The following HMGB1 variants were observed in gnomAD, a reference collection of about 807,000 sequenced individuals.
HMGB1 encodes the protein high mobility group protein B1.
For missense variants in HMGB1, 79 were observed against 253.5 expected, an observed-to-expected ratio of 0.31 and a Z score of 4.67; for synonymous variants, 81 against 84.0, an observed-to-expected ratio of 0.96 and a Z score of 0.19.
At chr13:30,603,621 A>G (rs1482367614) in intron 1 of HMGB1, among the ~76,000 whole-genome samples, 5 of 152,306 alleles carry the variant, frequency 3.3e-5, no homozygotes, top group African/African-American at 7.2e-5. Flanking sequence ...CTCCCTAAGG[A>G]TATCAAAATC....
At chr13:30,536,634 G>C (rs1394353928) in intron 1 of HMGB1, among the ~76,000 whole-genome samples, 1 of 152,212 alleles carries the variant, frequency 6.6e-6, no homozygotes. Flanking sequence ...ACAGGCGTGA[G>C]CCACCATGCC....
intron 1 of HMGB1, among the ~76,000 whole-genome samples, chr13:30,471,773 A>C (rs1886949386): frequency 7.0e-6 from 1 of 142,238 alleles, no homozygotes; most frequent in African/African-American, 2.7e-5. Flanking sequence ...GGTTCAAGCG[A>C]TTCTCCTGCC....
intron 1 of HMGB1, among the ~76,000 whole-genome samples, chr13:30,588,086 C>G (rs929012142): frequency 1.2e-4 from 19 of 152,124 alleles, no homozygotes; most frequent in African/African-American, 4.6e-4. Context: ...ATTTAAGAAA[C>G]AAACATTTAT....
At chr13:30,567,704 A>G (rs1322116187) in intron 1 of HMGB1, among the ~76,000 whole-genome samples, 14 of 152,148 alleles carry the variant, frequency 9.2e-5, no homozygotes, top group African/African-American at 2.9e-4. Flanking sequence ...GCCTGCTGAA[A>G]AGAGGGTGCT....
intron 1 of HMGB1, among the ~76,000 whole-genome samples, chr13:30,561,704 CAG>C (rs1869961674): frequency 6.6e-6 from 1 of 152,076 alleles, no homozygotes; most frequent in Admixed American, 6.5e-5. Flanking sequence ...GGGGAGTCGC[CAG>C]AAAGGAATTT....
intron 1 of HMGB1, among the ~76,000 whole-genome samples, chr13:30,609,984 G>A (rs1566039956): frequency 2.6e-5 from 4 of 152,170 alleles, no homozygotes; most frequent in African/African-American, 4.8e-5. Context: ...TATCCACTCA[G>A]CTCCTCTTCA....
intron 1 of HMGB1, among the ~76,000 whole-genome samples, chr13:30,609,090 C>T (rs1318977398): frequency 1.3e-5 from 2 of 149,922 alleles, no homozygotes; most frequent in South Asian, 2.1e-4. Context: ...TGTGAAACCC[C>T]GTCTCTACTA....
At chr13:30,513,011 A>G (rs1294496646) in intron 1 of HMGB1, among the ~76,000 whole-genome samples, 1 of 152,028 alleles carries the variant, frequency 6.6e-6, no homozygotes, top group Non-Finnish European at 1.5e-5. Context: ...ACAAATACAA[A>G]AATTAGCAAG....
At chr13:30,595,280 T>C (rs1212119654) in intron 1 of HMGB1, among the ~76,000 whole-genome samples, 1 of 152,206 alleles carries the variant, frequency 6.6e-6, no homozygotes, top group African/African-American at 2.4e-5. Flanking sequence ...TGTTTCTAAA[T>C]AAAATGGTAG....
chr13:30,569,994 G>C (rs886824857), intron 1 of HMGB1, among the ~76,000 whole-genome samples: 1 of 152,206 alleles, frequency 6.6e-6, no homozygotes, highest in Non-Finnish European at 1.5e-5. Context: ...GGCTTTGGTA[G>C]GAGGAAGACG....
At chr13:30,538,693 C>CTATA in intron 1 of HMGB1, among the ~76,000 whole-genome samples, 1 of 111,900 alleles carries the variant, frequency 8.9e-6, no homozygotes, top group Non-Finnish European at 1.7e-5. Flanking sequence ...TCCTTTCTTT[C>CTATA]TTTCTTTCTT....
At chr13:30,519,888 A>C (rs986415101) in intron 1 of HMGB1, among the ~76,000 whole-genome samples, 32 of 152,224 alleles carry the variant, frequency 2.1e-4, no homozygotes, top group Admixed American at 2.6e-4. Context: ...CTAAACTATG[A>C]GATGATGCTT....
intron 1 of HMGB1, among the ~76,000 whole-genome samples, chr13:30,606,458 T>G (rs535074926): frequency 2.5e-4 from 26 of 105,166 alleles, no homozygotes; most frequent in Admixed American, 2.5e-4. Context: ...AGCTGATCAA[T>G]AACCAAACCA....
chr13:30,615,735 T>C (rs981370830), intron 1 of HMGB1, among the ~76,000 whole-genome samples: 25 of 152,272 alleles, frequency 1.6e-4, no homozygotes, highest in African/African-American at 5.8e-4. Context: ...AAGACTTGTA[T>C]TGTGGTTAAG....
chr13:30,530,784 T>C (rs1034349885), intron 1 of HMGB1, among the ~76,000 whole-genome samples: 1 of 152,168 alleles, frequency 6.6e-6, no homozygotes, highest in Admixed American at 6.5e-5. Flanking sequence ...TGGTGGCTCA[T>C]GCCTGTAATC....
In HMGB1 at chr13:30,460,150, T is replaced by C. The variant is rs914850775; in HGVS notation, c.*1207A>G. The C allele has an allele frequency of 2.6e-5, 4 of 152,562 alleles. No homozygotes were observed. The highest frequency in any genetic ancestry group is 1.3e-4 in the Admixed American group (2 of 15,284). The allele number at this position is 152,562 out of a possible 1,614,324, so 9.5% of individuals were successfully genotyped here. On this transcript the variant is annotated 3_prime_UTR_variant, in exon 5 of 5. Coordinates refer to ENST00000341423, the MANE Select transcript of HMGB1 (RefSeq NM_002128.7). ...TGTAAAGAAAAATCATTCAAATAAATTGAATAATTCATACTGAGATGCAAA... is the reference window on the plus strand; with the variant it reads ...TGTAAAGAAAAATCATTCAAATAAACTGAATAATTCATACTGAGATGCAAA...
At chr13:30,463,430 A>AC in intron 2 of HMGB1, 78 bp from the exon 3 acceptor site, 1 of 1,512,280 alleles carries the variant, frequency 6.6e-7, no homozygotes, top group Non-Finnish European at 9.1e-7. Context: ...TTTGCTATGT[A>AC]ATAGCGTCCC....
chr13:30,612,284 G>T (rs931134253), intron 1 of HMGB1, among the ~76,000 whole-genome samples: 1 of 151,538 alleles, frequency 6.6e-6, no homozygotes, highest in Non-Finnish European at 1.5e-5. Context: ...TGGTGAGAAA[G>T]AATTAGAGTA....
intron 1 of HMGB1, among the ~76,000 whole-genome samples, chr13:30,577,938 A>G (rs1459365226): frequency 6.6e-6 from 1 of 152,164 alleles, no homozygotes; most frequent in Non-Finnish European, 1.5e-5. Context: ...CTTCCTTAGC[A>G]TTTCTTAGAG....
Sources: allele counts gnomAD v4.1 joint callset (sites outside exome capture counted in the v4.1 genomes callset), GRCh38; gene constraint gnomAD v4.1.1; transcripts MANE v1.5; gene names NCBI Gene and HGNC (gene_info 2026-07-23, HGNC 2026-07-21).